TRHDE: variants seen among roughly 807,000 people sequenced by gnomAD.
TRHDE encodes thyrotropin-releasing hormone-degrading ectoenzyme.
TRHDE carries 72 observed loss-of-function variants against 125.7 expected under a neutral mutation model. The ratio of observed to expected loss-of-function variants is 0.57; its 90% confidence interval spans 0.47 to 0.70. The LOEUF (loss-of-function observed/expected upper bound fraction) is 0.70, where lower values mean the gene tolerates loss of function less well. Among genes scored for constraint, TRHDE ranks in the 30% least tolerant of loss-of-function variants. TRHDE has a pLI of 0.00. For missense variants in TRHDE, 1,110 were observed against 1,327.1 expected (o/e 0.84, Z 2.54); for synonymous variants, 509 against 509.1 (o/e 1.00, Z 0.00).
chr12:72,106,813 T>C (rs1415224653), intron 2 of TRHDE, among the ~76,000 whole-genome samples: 1 of 152,086 alleles, frequency 6.6e-6, no homozygotes, highest in Non-Finnish European at 1.5e-5. Context: ...TTCTAGGTGG[T>C]CCTGGTTTTT....
chr12:72,088,670 G>A (rs1230874500), intron 1 of TRHDE, among the ~76,000 whole-genome samples: 3 of 152,060 alleles, frequency 2.0e-5, no homozygotes, highest in Non-Finnish European at 2.9e-5. Context: ...ATGCTTCACA[G>A]ACCTCCCATC....
At chr12:72,124,778 A>G (rs1376610482) in intron 2 of TRHDE, among the ~76,000 whole-genome samples, 1 of 152,150 alleles carries the variant, frequency 6.6e-6, no homozygotes, top group Non-Finnish European at 1.5e-5. Flanking sequence ...GCATGGTGGC[A>G]CATGTCTGTA....
At chr12:72,442,414 G>A (rs1206607693) in intron 3 of TRHDE, among the ~76,000 whole-genome samples, 1 of 151,912 alleles carries the variant, frequency 6.6e-6, no homozygotes, top group Non-Finnish European at 1.5e-5. Context: ...GCCTACAGCA[G>A]TCTGGCTCTC....
intron 1 of TRHDE, among the ~76,000 whole-genome samples, chr12:72,285,746 C>T (rs141890799): frequency 1.7e-4 from 26 of 152,236 alleles, no homozygotes; most frequent in South Asian, 1.0e-3. Context: ...GTCCCGATCT[C>T]TTAACCTCAT....
At chr12:72,395,682 C>T (rs1050368284) in intron 3 of TRHDE, among the ~76,000 whole-genome samples, 3 of 152,042 alleles carry the variant, frequency 2.0e-5, no homozygotes, top group Non-Finnish European at 4.4e-5. Flanking sequence ...AAACATCTAC[C>T]CTTGTTAAAT....
intron 15 of TRHDE, among the ~76,000 whole-genome samples, chr12:72,626,328 C>A (rs1441437564): frequency 7.2e-5 from 11 of 151,824 alleles, no homozygotes; most frequent in Admixed American, 7.2e-4. Flanking sequence ...TAATACTTAA[C>A]CTTTGCAGAA....
chr12:72,374,635 G>A (rs1421338357), intron 2 of TRHDE, among the ~76,000 whole-genome samples: 1 of 152,130 alleles, frequency 6.6e-6, no homozygotes, highest in Non-Finnish European at 1.5e-5. Context: ...GAGATAGATA[G>A]AAAAGTAAGA....
At chr12:72,286,519 A>T (rs1879893332) in intron 1 of TRHDE, among the ~76,000 whole-genome samples, 162 bp from the exon 2 acceptor site, 1 of 152,202 alleles carries the variant, frequency 6.6e-6, no homozygotes, top group South Asian at 2.1e-4. Context: ...AGTATATTAC[A>T]TATGGATTAT....
rs551916255 is a variant in TRHDE at position 72,242,436 on chromosome 12, C to T, written n.280-135559C>T. 5.9e-5 allele frequency among the ~76,000 whole-genome samples: 9 copies of T among 152,214 alleles called. No individual in the cohort carries two copies. The South Asian group carries it at 1.0e-3, about 18-fold the overall frequency. On this transcript the variant is annotated intron_variant and non_coding_transcript_variant, in intron 2 of 4. Transcript: ENST00000548156. Reference sequence around the variant, plus strand: ...GTTCTTGCCACCCTCTTGGGACCACCGCTCCTCTGCTCAGAGAAGAAATTT... The same window carrying T: ...GTTCTTGCCACCCTCTTGGGACCACTGCTCCTCTGCTCAGAGAAGAAATTT...
At chr12:72,585,632 C>T (rs1039471834) in intron 12 of TRHDE, among the ~76,000 whole-genome samples, 8 of 152,188 alleles carry the variant, frequency 5.3e-5, no homozygotes, top group South Asian at 2.1e-4. Context: ...AGGACAGAAA[C>T]TACTTGCTTT....
intron 3 of TRHDE, among the ~76,000 whole-genome samples, chr12:72,403,443 AT>A (rs1873131175): frequency 6.6e-6 from 1 of 152,192 alleles, no homozygotes; most frequent in African/African-American, 2.4e-5. Context: ...TGTTTTACAT[AT>A]CTTTTTTTAT....
In TRHDE at chr12:72,103,275, G is replaced by A. The variant is rs374499087; in HGVS notation, n.175-2373G>A. Among the ~76,000 whole-genome samples, 11 of 152,228 alleles carry A rather than the reference G, an allele frequency of 7.2e-5. No homozygotes were observed. In the East Asian group the frequency reaches 1.5e-3, roughly 21 times the overall value. On this transcript the variant is annotated intron_variant and non_coding_transcript_variant, in intron 1 of 4. Coordinates refer to the TRHDE transcript ENST00000548156. ...TTGCCAAGCTAGCTATGTTAGATCC[G>A]ATATTTAGGACATTGTATCCTAAGG...
chr12:72,578,693 G>A (rs1017984361), intron 12 of TRHDE, among the ~76,000 whole-genome samples: 1 of 152,026 alleles, frequency 6.6e-6, no homozygotes, highest in Non-Finnish European at 1.5e-5. Context: ...GTGTATATTT[G>A]TTACTTGAAT....
Position 72,272,610 on chromosome 12 carries a change from CAGA to C in TRHDE, c.-33_-31del. 3 of 864,070 alleles carry C rather than the reference CAGA, an allele frequency of 3.5e-6. No individual in the cohort carries two copies. The highest frequency in any genetic ancestry group is 5.7e-5 in the East Asian group (2 of 35,230). The allele number at this position is 864,070 out of a possible 1,614,324, so 53.5% of individuals were successfully genotyped here. A position where few individuals can be genotyped will look rare whatever the true frequency, so the allele number is the denominator to read the frequency against. On this transcript the variant is annotated 5_prime_UTR_variant, in exon 1 of 19. Transcript: ENST00000261180. The surrounding 1 kb of genome is among the most constrained non-coding windows in gnomAD (Gnocchi z 6.7). The stretch of plus-strand genomic sequence containing the variant: ...CGGGTGGCCCGCCCGCGGGGGGTGC[CAGA>C]GGGGGCGGGGGAGGAGGAGGAGGCG...
At chr12:72,176,301 G>A (rs1382436952) in intron 2 of TRHDE, among the ~76,000 whole-genome samples, 1 of 152,140 alleles carries the variant, frequency 6.6e-6, no homozygotes, top group African/African-American at 2.4e-5. Context: ...AGCCGGGGAG[G>A]TGGAGGTTGC....
chr12:72,484,710 T>C (rs1877323851), intron 5 of TRHDE, among the ~76,000 whole-genome samples: 1 of 152,166 alleles, frequency 6.6e-6, no homozygotes, highest in Non-Finnish European at 1.5e-5. Context: ...AATTAGAATA[T>C]GTATGAAACT....
At chr12:72,516,125 G>A (rs1234902521) in intron 6 of TRHDE, among the ~76,000 whole-genome samples, 14 of 151,534 alleles carry the variant, frequency 9.2e-5, no homozygotes, top group South Asian at 4.2e-4. Context: ...TTGGCGATGC[G>A]GGCTCTTTTT....
intron 6 of TRHDE, among the ~76,000 whole-genome samples, chr12:72,533,176 C>G (rs1565780931): frequency 6.9e-6 from 1 of 144,886 alleles, no homozygotes; most frequent in Non-Finnish European, 1.5e-5. Context: ...AGAGAAAATT[C>G]TTTTTTTTTT....
chr12:72,088,597 C>T lies in TRHDE; in HGVS notation n.174+1158C>T, dbSNP rs116461070. 3.8e-3 allele frequency among the ~76,000 whole-genome samples: 573 copies of T among 151,804 alleles called. 3 individuals are homozygous for T. Among genetic ancestry groups the T allele is most frequent in the African/African-American group, 0.013 (524 of 41,312 alleles). ...GATCCTCAGCAGCATAACTTTGCTG[C>T]GCCTCGGTTCTCTCATCTGTAAAAT... On this transcript the variant is annotated intron_variant and non_coding_transcript_variant, in intron 1 of 4. Transcript: ENST00000548156.
Sources: gnomAD v4.1 joint callset for allele counts (sites outside exome capture counted in the v4.1 genomes callset) on GRCh38, gnomAD v4.1.1 for gene constraint, Gnocchi (gnomAD v3.1) non-coding constraint, MANE v1.5 for transcripts, NCBI Gene and HGNC (gene_info 2026-07-23, HGNC 2026-07-21) for gene names.